The following TMEM71 variants were observed in gnomAD, a reference collection of about 807,000 sequenced individuals.
TMEM71 encodes transmembrane protein 71.
In TMEM71, 44 loss-of-function variants were observed where a neutral mutation model predicts 38.0. That is an observed-to-expected ratio of 1.16 (90% confidence interval 0.91 to 1.49). The LOEUF (loss-of-function observed/expected upper bound fraction) is 1.49. Among genes scored for constraint, TMEM71 ranks in the 40% most tolerant of loss-of-function variants. The pLI is 0.00. For synonymous variants in TMEM71, 133 were observed against 122.5 expected, an observed-to-expected ratio of 1.09 and a Z score of -0.56; for missense variants, 367 against 348.6, an observed-to-expected ratio of 1.05 and a Z score of -0.42.
chr8:132,754,511 ATTG>A (rs1182218992), intron 3 of TMEM71, among the ~76,000 whole-genome samples: 6 of 151,908 alleles, frequency 3.9e-5, no homozygotes, highest in Admixed American at 2.0e-4. Flanking sequence ...TGTTGTTGTT[ATTG>A]TTGTTGTTGT....
chr8:132,759,121 A>T (rs1829190861), intron 1 of TMEM71, among the ~76,000 whole-genome samples: 1 of 152,184 alleles, frequency 6.6e-6, no homozygotes, highest in African/African-American at 2.4e-5. Flanking sequence ...CCATTGCCTC[A>T]CTCAGTGCAT....
At chr8:132,747,684 T>C (rs1828469066) in intron 4 of TMEM71, among the ~76,000 whole-genome samples, 1 of 152,230 alleles carries the variant, frequency 6.6e-6, no homozygotes, top group Non-Finnish European at 1.5e-5. Context: ...GTGGCAGTGC[T>C]AATTGATAAT....
chr8:132,760,107 T>A (rs1333188248), intron 1 of TMEM71, among the ~76,000 whole-genome samples: 1 of 152,068 alleles, frequency 6.6e-6, no homozygotes, highest in East Asian at 1.9e-4. Context: ...CAAAAGAAGG[T>A]CTTATTGCTC....
chr8:132,771,217 C>T, the TMEM71 span, among the ~76,000 whole-genome samples: 5 of 152,070 alleles, frequency 3.3e-5, no homozygotes, highest in Admixed American at 6.5e-5. Context: ...CAGATATCTC[C>T]GTTTGTCTGG....
rs535805614 is a variant in TMEM71 at position 132,715,700 on chromosome 8, A to G, written c.753-1485T>C. Among the ~76,000 whole-genome samples, 10 of 152,364 alleles carry G rather than the reference A, an allele frequency of 6.6e-5. No individual in the cohort carries two copies. The South Asian group carries it at 2.1e-3, about 32-fold the overall frequency. ...AACCAAGACACCCTTCAATAGGTGA[A>G]TGTATAAACAAACTGTGGTACATCC... On this transcript the variant is annotated intron_variant, in intron 7 of 9. Coordinates refer to ENST00000677595, the MANE Select transcript of TMEM71 (RefSeq NM_001382403.1).
chr8:132,749,743 C>T (rs1279293371), intron 4 of TMEM71, among the ~76,000 whole-genome samples: 1 of 152,168 alleles, frequency 6.6e-6, no homozygotes, highest in Non-Finnish European at 1.5e-5. Context: ...GGGCCCGGCA[C>T]AGTGGCTCAC....
At chr8:132,727,106 C>T (rs981931143) in intron 6 of TMEM71, among the ~76,000 whole-genome samples, 1 of 152,106 alleles carries the variant, frequency 6.6e-6, no homozygotes, top group East Asian at 1.9e-4. Context: ...TTCCACCCGC[C>T]TCAGCCTCCC....
intron 6 of TMEM71, among the ~76,000 whole-genome samples, chr8:132,727,442 G>C (rs1333497861): frequency 6.6e-6 from 1 of 152,040 alleles, no homozygotes; most frequent in African/African-American, 2.4e-5. Flanking sequence ...ATTTTTAGTA[G>C]AGACAGTGTT....
intron 5 of TMEM71, among the ~76,000 whole-genome samples, chr8:132,729,435 C>A (rs1426648779): frequency 6.6e-6 from 1 of 152,152 alleles, no homozygotes; most frequent in Non-Finnish European, 1.5e-5. Context: ...CTCTTATGAT[C>A]TTGGGTAAGA....
In TMEM71 at chr8:132,710,688, C is replaced by T. The variant is rs1586780319; in HGVS notation, c.*279G>A. ...AAAGAATCATAGGGGGACATTTATTCCAGGCGGTCTCTTTTCCATCACATT... is the reference window on the plus strand; with the variant it reads ...AAAGAATCATAGGGGGACATTTATTTCAGGCGGTCTCTTTTCCATCACATT... On this transcript the variant is annotated 3_prime_UTR_variant, in exon 10 of 10. Coordinates refer to ENST00000677595, the MANE Select transcript of TMEM71 (RefSeq NM_001382403.1). The T allele has an allele frequency of 1.8e-6, 1 of 545,404 alleles. No individual in the cohort carries two copies. The highest frequency in any genetic ancestry group is 2.6e-5 in the South Asian group (1 of 37,752). The allele number at this position is 545,404 out of a possible 1,614,324, so 33.8% of individuals were successfully genotyped here. A position where few individuals can be genotyped will look rare whatever the true frequency, so the allele number is the denominator to read the frequency against.
Position 132,721,917 on chromosome 8 carries a change from A to G in TMEM71, c.752+123T>C, listed in dbSNP as rs941867291. 1.2e-5 allele frequency: 10 copies of G among 830,450 alleles called. No homozygotes were observed. The East Asian group carries it at 1.7e-4, about 14-fold the overall frequency. The allele number at this position is 830,450 out of a possible 1,614,324, so 51.4% of individuals were successfully genotyped here. ...AGGGAAACTTATCATGGACAGACAC[A>G]TGAACGAATCTCAACCACAGAGCTA... is the stretch of plus-strand genomic sequence containing the variant. On this transcript the variant is annotated intron_variant, in intron 7 of 9. Transcript: ENST00000677595.
In TMEM71 at chr8:132,753,484, A is replaced by G. The variant is rs970885052; in HGVS notation, c.102-1487T>C. On this transcript the variant is annotated intron_variant, in intron 3 of 9. Transcript: ENST00000677595. The stretch of plus-strand genomic sequence containing the variant: ...CTAAGAATCAGGAGTTTTGGCGGTC[A>G]TGTCTGCAGCCCCACCAAATTCTGC... Among the ~76,000 whole-genome samples, 9 of 152,268 alleles carry G rather than the reference A, an allele frequency of 5.9e-5. No individual in the cohort carries two copies. The South Asian group carries it at 6.2e-4, about 11-fold the overall frequency.
chr8:132,772,708 T>C, the TMEM71 span, among the ~76,000 whole-genome samples: 1 of 152,278 alleles, frequency 6.6e-6, no homozygotes, highest in South Asian at 2.1e-4. Context: ...ACTATGATAA[T>C]ATAAAAAATT....
chr8:132,764,351 C>T (rs1034592046), upstream of TMEM71, among the ~76,000 whole-genome samples: 9 of 151,642 alleles, frequency 5.9e-5, no homozygotes, highest in East Asian at 1.9e-4. Flanking sequence ...TGCCAACATG[C>T]CAAAGTCACT....
chr8:132,767,214 G>A, the TMEM71 span, among the ~76,000 whole-genome samples: 4 of 152,014 alleles, frequency 2.6e-5, no homozygotes, highest in Non-Finnish European at 5.9e-5. Context: ...ACTCTCCTCG[G>A]CCTCCTCTGA....
At chr8:132,715,524 C>G (rs1385924556) in intron 7 of TMEM71, among the ~76,000 whole-genome samples, 2 of 151,072 alleles carry the variant, frequency 1.3e-5, no homozygotes, top group Admixed American at 1.3e-4. Flanking sequence ...AACAGCTTCA[C>G]TTGCTTACAA....
upstream of TMEM71, among the ~76,000 whole-genome samples, chr8:132,763,835 C>T (rs866175732): frequency 6.6e-6 from 1 of 152,194 alleles, no homozygotes; most frequent in Non-Finnish European, 1.5e-5. Context: ...AACTGTTAGT[C>T]CCTAAGATAC....
chr8:132,722,449 A>G (rs1487837112), intron 6 of TMEM71, among the ~76,000 whole-genome samples: 1 of 152,254 alleles, frequency 6.6e-6, no homozygotes, highest in Non-Finnish European at 1.5e-5. Context: ...TAATTCTGTC[A>G]TTGTGATAAT....
chr8:132,771,573 T>C, the TMEM71 span, among the ~76,000 whole-genome samples: 1 of 151,576 alleles, frequency 6.6e-6, no homozygotes, highest in African/African-American at 2.4e-5. Flanking sequence ...AAGTAATATA[T>C]ATTACTTCAA....
Sources: allele counts gnomAD v4.1 joint callset (sites outside exome capture counted in the v4.1 genomes callset), GRCh38; gene constraint gnomAD v4.1.1; transcripts MANE v1.5; gene names NCBI Gene and HGNC (gene_info 2026-07-23, HGNC 2026-07-21).